The following ZNF536 variants were observed in gnomAD, a reference collection of about 807,000 sequenced individuals.
ZNF536 encodes zinc finger protein 536.
A neutral mutation model predicts 84.5 loss-of-function variants in ZNF536; 13 were observed. The ratio of observed to expected loss-of-function variants is 0.15; its 90% confidence interval spans 0.10 to 0.24. The LOEUF is 0.24. Ranked by LOEUF, ZNF536 falls within the 10% of genes least tolerant of loss-of-function variation. ZNF536 has a pLI of 1.00. For missense variants in ZNF536, 1,536 were observed against 1,747.5 expected (o/e 0.88, Z 2.16); for synonymous variants, 811 against 742.5 (o/e 1.09, Z -1.50).
At position 30,637,763 on chromosome 19, in the gene ZNF536, G is replaced by A. The variant is rs145667074; in HGVS notation, c.170-72994G>A. On this transcript the variant is annotated intron_variant, in intron 1 of 1. Transcript: ENST00000592773. ...GGCGAGAGTAGAGTTTATTAGTTTT[G>A]CACTTACAATAGCCCTTCTGGTACA... Among the ~76,000 whole-genome samples the A allele has an allele frequency of 4.6e-4, 70 of 152,196 alleles. 1 individual carries two copies. The highest frequency in any genetic ancestry group is 3.4e-3 in the Middle Eastern group (1 of 294).
intron 2 of ZNF536, among the ~76,000 whole-genome samples, chr19:30,467,395 T>G (rs138905066): frequency 6.6e-6 from 1 of 152,354 alleles, no homozygotes; most frequent in Non-Finnish European, 1.5e-5. Flanking sequence ...TGGCTTATTT[T>G]GCTTAGCATG....
intron 1 of ZNF536, among the ~76,000 whole-genome samples, chr19:30,627,617 C>G (rs2048734612): frequency 6.6e-6 from 1 of 151,572 alleles, no homozygotes; most frequent in Admixed American, 6.6e-5. Context: ...AATAATGACA[C>G]TCTTAAATTC....
rs1239270184 is a variant in ZNF536 at position 30,435,680 on chromosome 19, A to G, written c.-2-7881A>G. On this transcript the variant is annotated intron_variant, in intron 1 of 4. Coordinates refer to ENST00000355537, the MANE Select transcript of ZNF536 (RefSeq NM_014717.3). ...AGTCCATAGTCTTAACAACTACCCC[A>G]TGTGAACTTGTCTTCTTTCCATCCC... Among the ~76,000 whole-genome samples, 2 of 152,262 alleles carry G rather than the reference A, an allele frequency of 1.3e-5. 1 individual carries two copies. Among genetic ancestry groups the G allele is most frequent in the Admixed American group, 1.3e-4 (2 of 15,300 alleles).
intron 2 of ZNF536, among the ~76,000 whole-genome samples, chr19:30,463,275 C>G (rs565630225): frequency 3.9e-5 from 6 of 152,270 alleles, no homozygotes; most frequent in African/African-American, 1.4e-4. Flanking sequence ...GTCCTTGCCC[C>G]TTTTTCCAAA....
chr19:30,528,111 T>C (rs2145833859), intron 2 of ZNF536, among the ~76,000 whole-genome samples: 1 of 152,354 alleles, frequency 6.6e-6, no homozygotes, highest in Non-Finnish European at 1.5e-5. Flanking sequence ...TATCATGGCA[T>C]TTGATGCCAT....
In ZNF536 at chr19:30,649,052, T is replaced by C. The variant is rs142323314; in HGVS notation, c.170-61705T>C. 3.6e-3 allele frequency among the ~76,000 whole-genome samples: 547 copies of C among 152,252 alleles called. 3 individuals carry two copies. Among genetic ancestry groups the C allele is most frequent in the African/African-American group, 0.012 (511 of 41,544 alleles). On this transcript the variant is annotated intron_variant, in intron 1 of 1. Transcript: ENST00000592773. ...TAGGACGGCTGGGGTCCTGATTCCA[T>C]AGTTAACCAGGATCAACCCTGGGTC...
chr19:30,229,839 C>T (rs2022902233), intron 1 of ZNF536, among the ~76,000 whole-genome samples: 2 of 152,194 alleles, frequency 1.3e-5, no homozygotes, highest in Admixed American at 6.5e-5. Context: ...AGGAGAAACC[C>T]GGCTGCCAGA....
At chr19:30,362,490 C>T (rs903382697) in intron 3 of ZNF536, among the ~76,000 whole-genome samples, 2 of 152,206 alleles carry the variant, frequency 1.3e-5, no homozygotes, top group African/African-American at 4.8e-5. Context: ...CTGGCCACTT[C>T]CCTGCTGTTC....
At chr19:30,332,207 T>G (rs558935464) in intron 2 of ZNF536, among the ~76,000 whole-genome samples, 1 of 152,234 alleles carries the variant, frequency 6.6e-6, no homozygotes, top group East Asian at 1.9e-4. Flanking sequence ...CAGCTACTGA[T>G]CTCATCTCCA....
At chr19:30,610,138 C>T (rs1317775765) in intron 1 of ZNF536, among the ~76,000 whole-genome samples, 1 of 152,246 alleles carries the variant, frequency 6.6e-6, no homozygotes, top group Non-Finnish European at 1.5e-5. Flanking sequence ...TCAGAAACTT[C>T]TTTCTAGTGG....
At position 30,503,831 on chromosome 19, in the gene ZNF536, G is replaced by A. The variant is rs1389925308; in HGVS notation, c.2171-31016G>A. Among the ~76,000 whole-genome samples the A allele has an allele frequency of 2.6e-5, 4 of 151,836 alleles. No homozygotes were observed. The South Asian group carries it at 6.3e-4, about 24-fold the overall frequency. On this transcript the variant is annotated intron_variant, in intron 2 of 4. Transcript: ENST00000355537. Reference sequence around the variant, plus strand: ...TTTTCCCCTCTTTGCAGGCCACCTGGGTAGTGGGATTTTGGGTAATTTTTA... The same window carrying A: ...TTTTCCCCTCTTTGCAGGCCACCTGAGTAGTGGGATTTTGGGTAATTTTTA...
At chr19:30,271,610 C>T (rs926039260) in intron 1 of ZNF536, among the ~76,000 whole-genome samples, 16 of 152,148 alleles carry the variant, frequency 1.1e-4, no homozygotes, top group Non-Finnish European at 1.0e-4. Flanking sequence ...GCAGCCTCCA[C>T]GTTCCTGCTA....
At chr19:30,317,561 G>C (rs1335495851) in intron 2 of ZNF536, among the ~76,000 whole-genome samples, 2 of 152,138 alleles carry the variant, frequency 1.3e-5, no homozygotes, top group East Asian at 3.9e-4. Flanking sequence ...GCTCCAGAAG[G>C]CGTAGGCCAT....
At chr19:30,593,580 A>C (rs2146824819) in intron 1 of ZNF536, among the ~76,000 whole-genome samples, 1 of 152,048 alleles carries the variant, frequency 6.6e-6, no homozygotes, top group East Asian at 1.9e-4. Flanking sequence ...GCAAAGCAAA[A>C]CTCTTCTAGT....
chr19:30,416,973 A>C (rs984763565), intron 1 of ZNF536, among the ~76,000 whole-genome samples: 6 of 150,634 alleles, frequency 4.0e-5, no homozygotes, highest in South Asian at 2.1e-4. Flanking sequence ...CATCTATATT[A>C]TTTCTTTCTT....
chr19:30,613,242 T>C lies in ZNF536; in HGVS notation c.169+63728T>C, dbSNP rs1424077679. On this transcript the variant is annotated intron_variant, in intron 1 of 1. Coordinates refer to the ZNF536 transcript ENST00000592773. Reference sequence around the variant, plus strand: ...ATTTTTTTATGTTTATTTTTCCCTTTATGATGAAAAAGCATCGTGTGGGCA... The same window carrying C: ...ATTTTTTTATGTTTATTTTTCCCTTCATGATGAAAAAGCATCGTGTGGGCA... Among the ~76,000 whole-genome samples, 3 of 152,198 alleles carry C rather than the reference T, an allele frequency of 2.0e-5. No individual in the cohort carries two copies. In the East Asian group the frequency reaches 5.8e-4, roughly 29 times the overall value.
At chr19:30,655,643 G>A (rs1037480834) in intron 1 of ZNF536, among the ~76,000 whole-genome samples, 8 of 152,210 alleles carry the variant, frequency 5.3e-5, no homozygotes, top group African/African-American at 1.7e-4. Context: ...GCAAAGATGG[G>A]GAGGGTTTGG....
intron 1 of ZNF536, among the ~76,000 whole-genome samples, chr19:30,395,339 T>C (rs1432782729): frequency 1.3e-5 from 2 of 152,222 alleles, no homozygotes; most frequent in Admixed American, 6.5e-5. Flanking sequence ...GTTTGCAGTA[T>C]CTACAGTCAA....
intron 1 of ZNF536, among the ~76,000 whole-genome samples, chr19:30,693,674 G>C (rs1301110630): frequency 3.9e-5 from 6 of 152,090 alleles, no homozygotes; most frequent in Non-Finnish European, 8.8e-5. Context: ...CAGGATGAGG[G>C]CTGAGCATTG....
Sources: gnomAD v4.1 joint callset for allele counts (sites outside exome capture counted in the v4.1 genomes callset) on GRCh38, gnomAD v4.1.1 for gene constraint, MANE v1.5 for transcripts, NCBI Gene and HGNC (gene_info 2026-07-23, HGNC 2026-07-21) for gene names.